Variants in ZNF724 observed in about 807,000 individuals in gnomAD.
ZNF724 encodes zinc finger protein 724.
In ZNF724, 14 loss-of-function variants were observed where a neutral mutation model predicts 29.3. The observed-to-expected ratio is 0.48, with a 90% CI of 0.32 to 0.75. ZNF724 has a LOEUF of 0.75. Ranked by LOEUF, ZNF724 falls within the 30% of genes least tolerant of loss-of-function variation. The pLI, the probability that ZNF724 is intolerant of heterozygous loss-of-function variation, is 0.04. For synonymous variants in ZNF724, 180 were observed against 193.6 expected (o/e 0.93, Z 0.58); for missense variants, 557 against 571.2 (o/e 0.98, Z 0.25).
Position 23,223,094 on chromosome 19 carries a change from T to G in ZNF724, c.1151A>C (p.His384Pro). 1 of 1,260,622 alleles carries G rather than the reference T, an allele frequency of 7.9e-7. No individual in the cohort carries two copies. The highest frequency in any genetic ancestry group is 1.2e-6 in the Non-Finnish European group (1 of 858,782). The allele number at this position is 1,260,622 out of a possible 1,614,324, so 78.1% of individuals were successfully genotyped here. The stretch of plus-strand genomic sequence containing the variant: ...TTTTTCTCCAGTATGAATTCTCTTA[T>G]GTTGAGTAAGAGTTGAGGACACGTT... ...AFNVSSTLTQ[H>P]KRIHTGEKPY... Residue 384 changes from histidine to proline, a missense_variant, in exon 4 of 4, where the codon CAT becomes CCT. By Grantham distance (77) the His-to-Pro change is moderately conservative. Transcript: ENST00000418100.
At chr19:23,245,342 G>A (rs549431246) in intron 1 of ZNF724, among the ~76,000 whole-genome samples, 15 of 152,276 alleles carry the variant, frequency 9.9e-5, no homozygotes, top group East Asian at 1.9e-4. Flanking sequence ...AGCCAGGTGC[G>A]GTGGCTCACG....
At position 23,222,285 on chromosome 19, in the gene ZNF724, G is replaced by A; in HGVS notation, c.*100C>T. On this transcript the variant is annotated 3_prime_UTR_variant, in exon 4 of 4. Transcript: ENST00000418100. ...TTCTCTCCAGTAATTCTCTTCGTTG[G>A]CCAGGATGGTCTCAATCTCTTGATC... The A allele has an allele frequency of 1.6e-6, 1 of 628,034 alleles. No individual in the cohort carries two copies. The highest frequency in any genetic ancestry group is 2.8e-6 in the Non-Finnish European group (1 of 360,746). The allele number at this position is 628,034 out of a possible 1,614,324, so 38.9% of individuals were successfully genotyped here. A position where few individuals can be genotyped will look rare whatever the true frequency, so the allele number is the denominator to read the frequency against.
chr19:23,237,721 A>AG (rs1445957110), intron 1 of ZNF724, among the ~76,000 whole-genome samples: 1 of 150,984 alleles, frequency 6.6e-6, no homozygotes, highest in African/African-American at 2.4e-5. Context: ...CCGTCTTAAA[A>AG]AAAAAAAAAA....
chr19:23,238,419 CTAGA>C (rs1320785954), intron 1 of ZNF724, among the ~76,000 whole-genome samples: 1 of 152,052 alleles, frequency 6.6e-6, no homozygotes, highest in African/African-American at 2.4e-5. Context: ...TTCTGAGGTC[CTAGA>C]TAAAGACAAT....
intron 3 of ZNF724, 135 bp downstream of exon 3, chr19:23,231,131 C>T: frequency 1.5e-6 from 1 of 673,154 alleles, no homozygotes; most frequent in East Asian, 3.1e-5. Context: ...CATCTGCCCG[C>T]CTTAGCCTCT....
At chr19:23,224,971 A>AAAC (rs1289731328) in intron 3 of ZNF724, among the ~76,000 whole-genome samples, 1 of 149,372 alleles carries the variant, frequency 6.7e-6, no homozygotes, top group Non-Finnish European at 1.5e-5. Flanking sequence ...AAAAACAAAC[A>AAAC]AACAACAACA....
chr19:23,223,340 A>C lies in ZNF724; in HGVS notation c.905T>G (p.Ile302Arg). Residue 302 changes from isoleucine to arginine, a missense_variant, in exon 4 of 4, where the codon ATA becomes AGA. Physicochemically the swap from Ile to Arg is moderately conservative, Grantham distance 97. This residue lies in a region of ZNF724 where 362 missense variants were observed against 295.5 expected (regional missense o/e 1.22). Coordinates refer to ENST00000418100, the MANE Select transcript of ZNF724 (RefSeq NM_001355404.2). ...GTAGGGCTTCTCTCCAGCATGAATT[A>C]TCTTATGTCTAGTAAGGGTTGATGA... ...NQSSTLTRHK[I>R]IHAGEKPYIC... 1.3e-6 allele frequency: 1 copy of C among 768,882 alleles called. No individual in the cohort carries two copies. 47.6% of individuals were successfully genotyped at this position (768,882 alleles called of 1,614,324 possible).
At chr19:23,231,391 G>T in intron 2 of ZNF724, 30 bp from the exon 3 acceptor site, 1 of 1,273,280 alleles carries the variant, frequency 7.9e-7, no homozygotes, top group Non-Finnish European at 1.1e-6. Flanking sequence ...TAACATGAAT[G>T]TTGCTCATAT....
At position 23,222,581 on chromosome 19, in the gene ZNF724, A is replaced by G; in HGVS notation, c.1664T>C (p.Ile555Thr). 1 of 1,386,224 alleles carries G rather than the reference A, an allele frequency of 7.2e-7. No individual in the cohort carries two copies. 85.9% of individuals were successfully genotyped at this position (1,386,224 alleles called of 1,614,324 possible). Reference sequence around the variant, plus strand: ...TTTGTAGGGTTTCTCTCCAGTATGAATTATCTTATGTTGAGTAAGGTTTGA... The same window carrying G: ...TTTGTAGGGTTTCTCTCCAGTATGAGTTATCTTATGTTGAGTAAGGTTTGA... Reference protein sequence around the residue: ...QYSNLTQHKIIHTGEKPYKCE... With the variant: ...QYSNLTQHKITHTGEKPYKCE... The change falls in exon 4 of 4, where the codon ATT (isoleucine) becomes ACT (threonine). Residue 555 changes from isoleucine to threonine, a missense_variant. By Grantham distance (89) the Ile-to-Thr change is moderately conservative. Transcript: ENST00000418100.
In ZNF724 at chr19:23,223,372, AAAAGCTTTGCC is replaced by A. The variant is rs1971760611; in HGVS notation, c.862_872del (p.Gly288Ter). 1.3e-6 allele frequency: 1 copy of A among 770,628 alleles called. No individual in the cohort carries two copies. The highest frequency in any genetic ancestry group is 1.7e-5 in the African/African-American group (1 of 58,804). The allele number at this position is 770,628 out of a possible 1,614,324, so 47.7% of individuals were successfully genotyped here. A position where few individuals can be genotyped will look rare whatever the true frequency, so the allele number is the denominator to read the frequency against. ...GTCTAGTAAGGGTTGATGATTGGTT[AAAAGCTTTGCC>A]ACATTCTTTACATTTGTAGGCATTC... On this transcript the variant is annotated frameshift_variant, in exon 4 of 4. Coordinates refer to ENST00000418100, the MANE Select transcript of ZNF724 (RefSeq NM_001355404.2). LOFTEE classifies it high-confidence loss of function.
In ZNF724 at chr19:23,222,083, T is replaced by C. The variant is rs1568336192; in HGVS notation, c.*302A>G. 3.3e-6 allele frequency: 1 copy of C among 307,686 alleles called. No individual in the cohort carries two copies. Among genetic ancestry groups the C allele is most frequent in the Non-Finnish European group, 5.9e-6 (1 of 168,552 alleles). 19.1% of individuals were successfully genotyped at this position (307,686 alleles called of 1,614,324 possible). On this transcript the variant is annotated 3_prime_UTR_variant, in exon 4 of 4. Coordinates refer to ENST00000418100, the MANE Select transcript of ZNF724 (RefSeq NM_001355404.2). ...TTGCATAATTTTTCTCAAGTATACA[T>C]CATTTCCTGTCCAATAAAGTGTCAG...
At chr19:23,239,293 T>C (rs761015598) in intron 1 of ZNF724, among the ~76,000 whole-genome samples, 9 of 152,228 alleles carry the variant, frequency 5.9e-5, no homozygotes, top group Admixed American at 1.3e-4. Context: ...CCACGTCACA[T>C]ACTCTAAAAT....
intron 1 of ZNF724, among the ~76,000 whole-genome samples, chr19:23,238,674 C>T (rs954686495): frequency 2.6e-5 from 4 of 151,948 alleles, no homozygotes; most frequent in Non-Finnish European, 5.9e-5. Flanking sequence ...CTGCACTCTA[C>T]GAGGCCGAGG....
At chr19:23,241,320 A>G (rs1972119787) in intron 1 of ZNF724, among the ~76,000 whole-genome samples, 1 of 152,218 alleles carries the variant, frequency 6.6e-6, no homozygotes, top group Admixed American at 6.5e-5. Context: ...TACCAAGTAT[A>G]AAAAGAAAAG....
chr19:23,224,478 CATATAA>C (rs1217387079), intron 3 of ZNF724, among the ~76,000 whole-genome samples: 3 of 151,944 alleles, frequency 2.0e-5, no homozygotes, highest in African/African-American at 4.8e-5. Context: ...TCCTTATAGA[CATATAA>C]ATATAAGAAA....
chr19:23,237,666 C>T (rs1033127854), intron 1 of ZNF724, among the ~76,000 whole-genome samples: 4 of 146,226 alleles, frequency 2.7e-5, no homozygotes, highest in South Asian at 2.2e-4. Context: ...GCTACTCAGC[C>T]GAGATCACGC....
rs533185874 is a variant in ZNF724, at chr19:23,222,775, G to A, written c.1470C>T (p.Ser490=). 7.1e-7 allele frequency: 1 copy of A among 1,410,462 alleles called. No individual in the cohort carries two copies. The highest frequency in any genetic ancestry group is 2.3e-5 in the East Asian group (1 of 42,560). The allele number at this position is 1,410,462 out of a possible 1,614,324, so 87.4% of individuals were successfully genotyped here. ...CEECGKAFNL[S]SHLTTHKKIH... Reference sequence around the variant, plus strand: ...TTTTCTTATGTGTTGTAAGGTGTGAGGATAGGTTAAAAGCTTTGCCACATT... The same window carrying A: ...TTTTCTTATGTGTTGTAAGGTGTGAAGATAGGTTAAAAGCTTTGCCACATT... Residue 490 remains serine, a synonymous_variant, in exon 4 of 4, where the codon TCC becomes TCT. Transcript: ENST00000418100.
At chr19:23,244,628 TAG>T (rs899591705) in intron 1 of ZNF724, among the ~76,000 whole-genome samples, 6 of 152,194 alleles carry the variant, frequency 3.9e-5, no homozygotes, top group Non-Finnish European at 4.4e-5. Context: ...ACAAAATCTA[TAG>T]AGTTTGCTGA....
chr19:23,229,442 C>G (rs1047590490), intron 3 of ZNF724, among the ~76,000 whole-genome samples: 2 of 151,676 alleles, frequency 1.3e-5, no homozygotes, highest in Admixed American at 6.6e-5. Context: ...TCTGCCTACA[C>G]AGAAACCTAC....
Sources: gnomAD v4.1 joint callset for allele counts (sites outside exome capture counted in the v4.1 genomes callset) on GRCh38, gnomAD v4.1.1 for gene constraint, gnomAD v4.1.1 regional missense constraint, MANE v1.5 for transcripts, NCBI Gene and HGNC (gene_info 2026-07-23, HGNC 2026-07-21) for gene names.